AP2B1: variants seen among roughly 807,000 people sequenced by gnomAD.
AP2B1 encodes the protein adaptor related protein complex 2 subunit beta 1, also known as AP-2 complex subunit beta.
AP2B1 carries 23 observed loss-of-function variants against 102.0 expected under a neutral mutation model. The ratio of observed to expected loss-of-function variants is 0.23; its 90% CI spans 0.16 to 0.32. AP2B1 has a LOEUF of 0.32. Ranked by LOEUF, AP2B1 falls within the 10% of genes least tolerant of loss-of-function variation. The pLI is 1.00. For synonymous variants in AP2B1, 381 were observed against 421.2 expected (o/e 0.90, Z 1.17); for missense variants, 541 against 1,157.4 (o/e 0.47, Z 7.73).
At chr17:35,718,490 A>G (rs982751243) in intron 21 of AP2B1, among the ~76,000 whole-genome samples, 2 of 152,208 alleles carry the variant, frequency 1.3e-5, no homozygotes, top group African/African-American at 2.4e-5. Context: ...GGAGAGTAAC[A>G]TACACTGTCA....
At chr17:35,610,779 C>T (rs999821334) in intron 5 of AP2B1, among the ~76,000 whole-genome samples, 23 of 151,928 alleles carry the variant, frequency 1.5e-4, no homozygotes, top group African/African-American at 4.8e-4. Context: ...TGGTGGCAGG[C>T]GCCTATCGTC....
Position 35,605,831 on chromosome 17 carries a change from C to T in AP2B1, c.270C>T (p.Ser90=). The stretch of plus-strand genomic sequence containing the variant: ...ACATGGCCATCATGGCTGTAAACAG[C>T]TTTGTGAAGGTAACTTTTCCCAAGG... ...QPDMAIMAVN[S]FVKDCEDPNP... Residue 90 remains serine, a synonymous_variant, in exon 4 of 22, where the codon AGC becomes AGT. Transcript: ENST00000610402. 2 of 1,609,192 alleles carry T rather than the reference C, an allele frequency of 1.2e-6. No homozygotes were observed. The highest frequency in any genetic ancestry group is 1.7e-6 in the Non-Finnish European group (2 of 1,178,608).
chr17:35,650,029 G>A (rs1307516975), intron 12 of AP2B1, among the ~76,000 whole-genome samples: 1 of 151,698 alleles, frequency 6.6e-6, no homozygotes, highest in Non-Finnish European at 1.5e-5. Flanking sequence ...GGCTCACTGC[G>A]ACCTCTGCCT....
At chr17:35,682,854 A>G in intron 18 of AP2B1, 30 bp downstream of exon 18, 1 of 1,588,200 alleles carries the variant, frequency 6.3e-7, no homozygotes, top group Non-Finnish European at 8.6e-7. Context: ...CAGGTGGTAC[A>G]AGTTAATATC....
At chr17:35,623,692 G>C (rs774795706) in intron 5 of AP2B1, among the ~76,000 whole-genome samples, 1 of 152,172 alleles carries the variant, frequency 6.6e-6, no homozygotes, top group Admixed American at 6.5e-5. Context: ...AGGTGTTAAT[G>C]TGAAAAACTG....
chr17:35,597,827 C>T (rs952817381), intron 2 of AP2B1, among the ~76,000 whole-genome samples: 3 of 152,146 alleles, frequency 2.0e-5, no homozygotes, highest in Non-Finnish European at 4.4e-5. Flanking sequence ...ATCTGTAAAG[C>T]CGAGCGTGGG....
At chr17:35,650,176 C>G (rs2075051806) in intron 12 of AP2B1, among the ~76,000 whole-genome samples, 1 of 152,128 alleles carries the variant, frequency 6.6e-6, no homozygotes, top group African/African-American at 2.4e-5. Flanking sequence ...TCTCAAACTC[C>G]TGATCTCAAG....
chr17:35,701,569 A>G (rs1488554077), intron 18 of AP2B1, among the ~76,000 whole-genome samples: 7 of 152,154 alleles, frequency 4.6e-5, no homozygotes, highest in South Asian at 4.1e-4. Flanking sequence ...CGGGAAATAC[A>G]CTAGAAAAAT....
intron 18 of AP2B1, among the ~76,000 whole-genome samples, chr17:35,687,331 G>T (rs2075957850): frequency 6.6e-6 from 1 of 151,546 alleles, no homozygotes; most frequent in Non-Finnish European, 1.5e-5. Flanking sequence ...TGTTGCCTAG[G>T]CTGGTCTCAA....
At chr17:35,659,946 T>G in intron 14 of AP2B1, 1 of 985,400 alleles carries the variant, frequency 1.0e-6, no homozygotes, top group Non-Finnish European at 1.2e-6. Flanking sequence ...AAGACCTAAA[T>G]TTGCCTGTGT....
intron 20 of AP2B1, among the ~76,000 whole-genome samples, chr17:35,711,424 A>C (rs782260169): frequency 2.0e-4 from 30 of 151,144 alleles, no homozygotes; most frequent in Admixed American, 7.9e-4. Context: ...AAAAAAAAAA[A>C]ACACACACAC....
chr17:35,631,655 C>T (rs1192036811), intron 9 of AP2B1, among the ~76,000 whole-genome samples: 5 of 151,842 alleles, frequency 3.3e-5, no homozygotes, highest in Admixed American at 1.3e-4. Flanking sequence ...ATAGACATAA[C>T]GTGATTACTT....
intron 9 of AP2B1, among the ~76,000 whole-genome samples, chr17:35,629,998 A>G (rs1462180010): frequency 6.6e-6 from 1 of 152,184 alleles, no homozygotes; most frequent in Non-Finnish European, 1.5e-5. Flanking sequence ...ACTTGATTAT[A>G]TGCAGTTCTG....
At chr17:35,645,614 C>T (rs2074910325) in intron 12 of AP2B1, among the ~76,000 whole-genome samples, 1 of 152,166 alleles carries the variant, frequency 6.6e-6, no homozygotes, top group African/African-American at 2.4e-5. Context: ...CTTTGGGAAG[C>T]CGAGGCAGGT....
chr17:35,719,888 AT>A (rs1460061284), intron 21 of AP2B1, among the ~76,000 whole-genome samples: 1 of 152,130 alleles, frequency 6.6e-6, no homozygotes, highest in African/African-American at 2.4e-5. Flanking sequence ...GTGACCTGAG[AT>A]GATCTCTGCT....
intron 18 of AP2B1, among the ~76,000 whole-genome samples, chr17:35,683,455 T>C (rs2075866541): frequency 6.6e-6 from 1 of 152,232 alleles, no homozygotes; most frequent in South Asian, 2.1e-4. Context: ...GAGGTTATCA[T>C]TGAACATTGG....
intron 21 of AP2B1, among the ~76,000 whole-genome samples, chr17:35,720,422 A>G (rs2085323379): frequency 6.6e-6 from 1 of 151,506 alleles, no homozygotes; most frequent in Non-Finnish European, 1.5e-5. Context: ...AAGAAAACAA[A>G]AATTTATAAC....
chr17:35,588,790 G>A (rs1237774321), intron 1 of AP2B1: 1 of 152,198 alleles, frequency 6.6e-6, no homozygotes, highest in East Asian at 1.9e-4. Context: ...CAGAAAGGAT[G>A]ATGTATAATG....
intron 9 of AP2B1, among the ~76,000 whole-genome samples, chr17:35,630,732 A>T (rs1204217164): frequency 6.6e-6 from 1 of 152,182 alleles, no homozygotes; most frequent in Non-Finnish European, 1.5e-5. Flanking sequence ...AAGACTTCTG[A>T]TGGCTTTCAC....
Sources: allele counts gnomAD v4.1 joint callset (sites outside exome capture counted in the v4.1 genomes callset), GRCh38; gene constraint gnomAD v4.1.1; transcripts MANE v1.5; gene names NCBI Gene and HGNC (gene_info 2026-07-23, HGNC 2026-07-21).